CALN1: variants seen among roughly 807,000 people sequenced by gnomAD.
CALN1 encodes calneuron 1, also known as calcium-binding protein 8.
A neutral mutation model predicts 30.6 loss-of-function variants in CALN1; 17 were observed. That is an observed-to-expected ratio of 0.56 (90% CI 0.38 to 0.83). CALN1 has a LOEUF of 0.83. Among genes scored for constraint, CALN1 ranks in the 40% least tolerant of loss-of-function variants. CALN1 has a pLI of 0.00. For synonymous variants in CALN1, 156 were observed against 131.4 expected (o/e 1.19, Z -1.28); for missense variants, 291 against 354.9 (o/e 0.82, Z 1.45).
At chr7:71,790,866 G>GGT (rs139597667) in intron 6 of CALN1, among the ~76,000 whole-genome samples, 41 of 151,878 alleles carry the variant, frequency 2.7e-4, no homozygotes, top group Admixed American at 2.3e-3. Flanking sequence ...GGACAGGAGG[G>GGT]GTGTGTGTGT....
intron 3 of CALN1, among the ~76,000 whole-genome samples, chr7:72,130,383 G>A (rs1039947227): frequency 1.3e-5 from 2 of 152,152 alleles, no homozygotes; most frequent in African/African-American, 4.8e-5. Context: ...CAAACAGTGT[G>A]CATCAAATGT....
intron 5 of CALN1, among the ~76,000 whole-genome samples, chr7:71,836,854 G>A (rs1789642139): frequency 6.6e-6 from 1 of 151,426 alleles, no homozygotes; most frequent in African/African-American, 2.4e-5. Flanking sequence ...CCAACCTCAA[G>A]TCATCTGCCC....
chr7:72,109,391 C>T (rs1807401507), intron 3 of CALN1, among the ~76,000 whole-genome samples: 1 of 152,112 alleles, frequency 6.6e-6, no homozygotes, highest in South Asian at 2.1e-4. Flanking sequence ...TCTTTCTGTG[C>T]ATCCGTGGAC....
intron 5 of CALN1, among the ~76,000 whole-genome samples, chr7:71,844,692 G>C (rs1021887216): frequency 5.9e-5 from 9 of 152,278 alleles, no homozygotes; most frequent in Admixed American, 4.6e-4. Context: ...AAGAGAAAAG[G>C]AAGAAATCCT....
intron 5 of CALN1, among the ~76,000 whole-genome samples, chr7:71,879,592 T>C (rs1792449010): frequency 6.6e-6 from 1 of 152,196 alleles, no homozygotes; most frequent in Admixed American, 6.5e-5. Context: ...GCAGGATAGC[T>C]GTCTGGCAGA....
chr7:72,092,303 T>C (rs577799120), intron 4 of CALN1, among the ~76,000 whole-genome samples: 1 of 152,276 alleles, frequency 6.6e-6, no homozygotes, highest in African/African-American at 2.4e-5. Context: ...AGAATGTGCC[T>C]ATATTACTTG....
At chr7:72,016,998 C>CAAAAAAAAAAGAAAAA (rs1800420116) in intron 5 of CALN1, among the ~76,000 whole-genome samples, 1 of 31,962 alleles carries the variant, frequency 3.1e-5, no homozygotes. Context: ...ACTAAAAATA[C>CAAAAAAAAAAGAAAAA]AAAAAAAAAA....
At chr7:72,038,044 G>T (rs1327345299) in intron 4 of CALN1, among the ~76,000 whole-genome samples, 1 of 152,166 alleles carries the variant, frequency 6.6e-6, no homozygotes, top group Non-Finnish European at 1.5e-5. Context: ...TGCAATAGGG[G>T]GCCAGGTGCA....
chr7:72,061,796 CAAAA>C (rs1161510912), intron 4 of CALN1, among the ~76,000 whole-genome samples: 2 of 85,132 alleles, frequency 2.3e-5, no homozygotes, highest in Non-Finnish European at 4.4e-5. Context: ...GACTCTGTCT[CAAAA>C]AAAAAAAAAA....
At chr7:71,919,097 A>C (rs142668723) in intron 5 of CALN1, among the ~76,000 whole-genome samples, 2 of 152,318 alleles carry the variant, frequency 1.3e-5, no homozygotes, top group East Asian at 3.9e-4. Flanking sequence ...AGCCAATTCT[A>C]TAAATAAGCA....
At chr7:72,127,700 T>C (rs1458294096) in intron 3 of CALN1, among the ~76,000 whole-genome samples, 2 of 152,034 alleles carry the variant, frequency 1.3e-5, no homozygotes, top group Non-Finnish European at 2.9e-5. Context: ...ATCCAGAAGG[T>C]TTGTTTGATG....
At chr7:72,461,273 A>G in the CALN1 span, among the ~76,000 whole-genome samples, 1 of 152,212 alleles carries the variant, frequency 6.6e-6, no homozygotes, top group Non-Finnish European at 1.5e-5. Context: ...AAGAACTGAA[A>G]CAGAACTACC....
chr7:72,440,012 T>C (rs1233207027), intron 1 of CALN1, among the ~76,000 whole-genome samples: 1 of 152,166 alleles, frequency 6.6e-6, no homozygotes, highest in Non-Finnish European at 1.5e-5. Context: ...CCCAAATTGT[T>C]CAAGGATCAA....
chr7:72,006,597 A>C (rs188482102), intron 5 of CALN1, among the ~76,000 whole-genome samples: 92 of 152,302 alleles, frequency 6.0e-4, no homozygotes, highest in African/African-American at 2.2e-3. Context: ...AAAAAGGATG[A>C]ATGAGGTTAT....
intron 5 of CALN1, among the ~76,000 whole-genome samples, chr7:71,903,929 C>G (rs946436222): frequency 1.3e-5 from 2 of 151,976 alleles, no homozygotes; most frequent in East Asian, 1.9e-4. Flanking sequence ...ATATGAATAG[C>G]CAATAGGTAT....
chr7:72,209,169 CTTCCTTCCCTCCTTCCCTCT>C (rs1334646417), intron 3 of CALN1, among the ~76,000 whole-genome samples: 4 of 114,200 alleles, frequency 3.5e-5, no homozygotes, highest in Non-Finnish European at 7.5e-5. Flanking sequence ...CCCTTGACTT[CTTCCTTCCCTCCTTCCCTCT>C]TTCCTTCCCT....
At chr7:72,001,614 C>G (rs1799532164) in intron 5 of CALN1, among the ~76,000 whole-genome samples, 1 of 152,196 alleles carries the variant, frequency 6.6e-6, no homozygotes, top group Admixed American at 6.5e-5. Context: ...GCTCACACTG[C>G]CCACTTGGCC....
At chr7:72,073,065 C>A (rs1291127217) in intron 4 of CALN1, among the ~76,000 whole-genome samples, 1 of 151,946 alleles carries the variant, frequency 6.6e-6, no homozygotes, top group Non-Finnish European at 1.5e-5. Context: ...ATCAGTCAAT[C>A]TAAAAAAGGA....
At chr7:72,211,772 C>A (rs900580178) in intron 3 of CALN1, among the ~76,000 whole-genome samples, 1 of 152,050 alleles carries the variant, frequency 6.6e-6, no homozygotes, top group South Asian at 2.1e-4. Context: ...AGGTGACAGC[C>A]GGTGATGGGG....
Sources: allele counts gnomAD v4.1 joint callset (sites outside exome capture counted in the v4.1 genomes callset), GRCh38; gene constraint gnomAD v4.1.1; transcripts MANE v1.5; gene names NCBI Gene and HGNC (gene_info 2026-07-23, HGNC 2026-07-21).